SLC25A22: variants seen among roughly 807,000 people sequenced by gnomAD.
SLC25A22 encodes the protein solute carrier family 25 member 22, also known as mitochondrial glutamate carrier 1.
A neutral mutation model predicts 33.7 loss-of-function variants in SLC25A22; 23 were observed. That is an observed-to-expected ratio of 0.68 (90% CI 0.49 to 0.97). The LOEUF is 0.97. Among genes scored for constraint, SLC25A22 ranks in the 50% least tolerant of loss-of-function variants. The probability of loss-of-function intolerance (pLI) is 0.00; values close to 1 mark genes in which losing one functional copy is unlikely to be tolerated. For synonymous variants in SLC25A22, 245 were observed against 203.8 expected, an observed-to-expected ratio of 1.20 and a Z score of -1.72; for missense variants, 390 against 451.1, an observed-to-expected ratio of 0.86 and a Z score of 1.23.
Position 791,735 on chromosome 11 carries a change from G to T in SLC25A22, c.*180C>A. The T allele has an allele frequency of 1.3e-6, 1 of 753,578 alleles. No individual in the cohort carries two copies. Among genetic ancestry groups the T allele is most frequent in the African/African-American group, 1.8e-5 (1 of 56,784 alleles). 46.7% of individuals were successfully genotyped at this position (753,578 alleles called of 1,614,324 possible). ...TGAGACATTGATCCCAACGGTGCAG[G>T]CAGCACCCCGGGGGGCTTGCGTGTG... is the stretch of plus-strand genomic sequence containing the variant. On this transcript the variant is annotated 3_prime_UTR_variant, in exon 10 of 10. Transcript: ENST00000628067.
chr11:793,113 G>T, intron 5 of SLC25A22, 125 bp from the exon 6 acceptor site: 1 of 906,398 alleles, frequency 1.1e-6, no homozygotes, highest in Non-Finnish European at 1.7e-6. Context: ...GGCCTGTGGG[G>T]GTACAGCCCC....
In SLC25A22 at chr11:792,724, G is replaced by C. The variant is rs974302832; in HGVS notation, c.416C>G (p.Ala139Gly). 1 of 1,546,522 alleles carries C rather than the reference G, an allele frequency of 6.5e-7. No homozygotes were observed. Among genetic ancestry groups the C allele is most frequent in the African/African-American group, 1.4e-5 (1 of 73,432 alleles). The part of the protein sequence containing the change: ...IQLQDAGRIA[A>G]QRKILAAQGQ... The stretch of plus-strand genomic sequence containing the variant: ...CTGGGCAGCCAGGATCTTCCTCTGG[G>C]CGGCTGGGGACAAAGAGGCTGCTGT... The change falls in exon 7 of 10, where the codon GCC becomes GGC. Residue 139 changes from alanine to glycine, a missense_variant. By Grantham distance (60) the Ala-to-Gly change is moderately conservative. Coordinates refer to ENST00000628067, the MANE Select transcript of SLC25A22 (RefSeq NM_001191061.2).
Position 792,205 on chromosome 11 carries a change from C to T in SLC25A22, c.755G>A (p.Arg252Gln), listed in dbSNP as rs1864560817. The T allele has an allele frequency of 3.7e-6, 6 of 1,612,836 alleles. No individual in the cohort carries two copies. Among genetic ancestry groups the T allele is most frequent in the South Asian group, 3.3e-5 (3 of 91,094 alleles). ...AVNPCDVVKT[R>Q]LQSLQRGVNE... ...GACGCCTCGCTGAAGTGACTGGAGCCGCGTCTTCACCACTGCAAGGGGCGC... is the reference window on the plus strand; with the variant it reads ...GACGCCTCGCTGAAGTGACTGGAGCTGCGTCTTCACCACTGCAAGGGGCGC... Residue 252 changes from arginine to glutamine, a missense_variant, in exon 9 of 10, where the codon CGG becomes CAG. Physicochemically the swap from Arg to Gln is conservative, Grantham distance 43. Coordinates refer to ENST00000628067, the MANE Select transcript of SLC25A22 (RefSeq NM_001191061.2).
At position 791,877 on chromosome 11, in the gene SLC25A22, G is replaced by T. The variant is rs758687644; in HGVS notation, c.*38C>A. The stretch of plus-strand genomic sequence containing the variant: ...GCTGCCTGGCTCCAGCCCCACACCG[G>T]CCCTGCCCAGCTGGCTGGGGTGGAG... On this transcript the variant is annotated 3_prime_UTR_variant, in exon 10 of 10. Transcript: ENST00000628067. The T allele has an allele frequency of 1.1e-5, 17 of 1,560,100 alleles. No individual in the cohort carries two copies. The African/African-American group carries it at 1.9e-4, about 17-fold the overall frequency.
At chr11:793,919 G>C in intron 4 of SLC25A22, 1 of 514,086 alleles carries the variant, frequency 1.9e-6, no homozygotes, top group Non-Finnish European at 3.5e-6. Context: ...GCCTCCCTAG[G>C]ATACCTCTCC....
rs1290003750 is a variant in SLC25A22 at position 795,032 on chromosome 11, G to A, written c.-26C>T. The A allele has an allele frequency of 1.4e-5, 22 of 1,552,544 alleles. No individual in the cohort carries two copies. The highest frequency in any genetic ancestry group is 1.9e-5 in the Non-Finnish European group (22 of 1,148,192). On this transcript the variant is annotated 5_prime_UTR_variant, in exon 2 of 10. Transcript: ENST00000628067. ...TTAACTCGATTGCACCCAGGTAGGA[G>A]CCGCAGAGGTGGACGCCAGGCCAGG... is the stretch of plus-strand genomic sequence containing the variant.
chr11:792,439 C>A lies in SLC25A22; in HGVS notation c.607G>T (p.Val203Leu), dbSNP rs757697497. Residue 203 changes from valine (V) to leucine (L), a missense_variant, in exon 8 of 10, where the codon GTG becomes TTG. Transcript: ENST00000628067. The part of the protein sequence containing the change: ...TLLRDVPFSV[V>L]YFPLFANLNQ... ...AGGTTGGCAAAGAGCGGGAAGTACA[C>A]CACAGAGAAGGGGACATCCCTGTGG... 1 of 1,613,462 alleles carries A rather than the reference C, an allele frequency of 6.2e-7. No homozygotes were observed. Among genetic ancestry groups the A allele is most frequent in the Admixed American group, 1.7e-5 (1 of 60,034 alleles).
intron 1 of SLC25A22, among the ~76,000 whole-genome samples, chr11:797,266 AATG>A (rs1864872864): frequency 6.6e-6 from 1 of 151,900 alleles, no homozygotes; most frequent in Non-Finnish European, 1.5e-5. Flanking sequence ...CTGGGTGGAG[AATG>A]ATGACAGTGA....
Position 791,478 on chromosome 11 carries a change from C to T in SLC25A22, c.*437G>A, listed in dbSNP as rs564581592. 6.5e-5 allele frequency: 14 copies of T among 216,780 alleles called. No individual in the cohort carries two copies. The highest frequency in any genetic ancestry group is 2.4e-4 in the East Asian group (2 of 8,242). The allele number at this position is 216,780 out of a possible 1,614,324, so 13.4% of individuals were successfully genotyped here. On this transcript the variant is annotated 3_prime_UTR_variant, in exon 10 of 10. Transcript: ENST00000628067. Reference sequence around the variant, plus strand: ...GGGAAGGACGGAAGGGCTGGAGAGCCGCTTGGGTCCAGCAGATTCAATAAA... The same window carrying T: ...GGGAAGGACGGAAGGGCTGGAGAGCTGCTTGGGTCCAGCAGATTCAATAAA...
chr11:794,367 G>T (rs568389268), intron 4 of SLC25A22, 91 bp downstream of exon 4: 14 of 1,460,416 alleles, frequency 9.6e-6, no homozygotes, highest in Non-Finnish European at 1.1e-5. Flanking sequence ...CAGGCTGGCC[G>T]CCCTGCCCTG....
rs748865577 is a variant in SLC25A22 at position 791,909 on chromosome 11, C to G, written c.*6G>C. On this transcript the variant is annotated 3_prime_UTR_variant, in exon 10 of 10. Transcript: ENST00000628067. ...CCAGCTGGCTGGGGTGGAGCGGGTGCTGGGCTCAGGCCTGGGGGTCCTGCA... is the reference window on the plus strand; with the variant it reads ...CCAGCTGGCTGGGGTGGAGCGGGTGGTGGGCTCAGGCCTGGGGGTCCTGCA... 3.1e-6 allele frequency: 5 copies of G among 1,591,944 alleles called. No individual in the cohort carries two copies. The highest frequency in any genetic ancestry group is 4.3e-6 in the Non-Finnish European group (5 of 1,175,970).
intron 6 of SLC25A22, 55 bp from the exon 7 acceptor site, chr11:792,782 G>A (rs1590118960): frequency 4.5e-6 from 7 of 1,548,668 alleles, no homozygotes; most frequent in Admixed American, 1.9e-5. Context: ...CAGGGGACAC[G>A]CTCTGGCCCT....
rs1276261060 is a variant in SLC25A22 at position 791,435 on chromosome 11, A to AG, written c.*479dup. 5.2e-6 allele frequency: 1 copy of AG among 191,504 alleles called. No homozygotes were observed. Among genetic ancestry groups the AG allele is most frequent in the Non-Finnish European group, 1.1e-5 (1 of 91,354 alleles). 11.9% of individuals were successfully genotyped at this position (191,504 alleles called of 1,614,324 possible). A position where few individuals can be genotyped will look rare whatever the true frequency, so the allele number is the denominator to read the frequency against. On this transcript the variant is annotated 3_prime_UTR_variant, in exon 10 of 10. Transcript: ENST00000628067. The stretch of plus-strand genomic sequence containing the variant: ...AGGGAGGCAGAGTCAAGTCCTGCCA[A>AG]GGCGACAAGAGCGGCTGGGGAAGGA...
intron 4 of SLC25A22, chr11:793,979 G>C (rs1390335547): frequency 1.1e-5 from 5 of 468,912 alleles, no homozygotes; most frequent in Non-Finnish European, 1.6e-5. Context: ...TGGGGCCAGA[G>C]GTCACAGGAG....
rs746980789 is a variant in SLC25A22, at chr11:792,855, T to TCCCCCCCCCCCCCCCC, written c.412+14_412+15insGGGGGGGGGGGGGGGG. 2 of 523,168 alleles carry TCCCCCCCCCCCCCCCC rather than the reference T, an allele frequency of 3.8e-6. No individual in the cohort carries two copies. Among genetic ancestry groups the TCCCCCCCCCCCCCCCC allele is most frequent in the Non-Finnish European group, 5.7e-6 (2 of 349,416 alleles). The allele number at this position is 523,168 out of a possible 1,614,324, so 32.4% of individuals were successfully genotyped here. ...CCGCACCTCTGCCCTCTCCTCCCCCTCCCCCCGCCCTCACCAATGCGCCCT... is the reference window on the plus strand; with the variant it reads ...CCGCACCTCTGCCCTCTCCTCCCCCTCCCCCCCCCCCCCCCCCCCCCCGCCCTCACCAATGCGCCCT... On this transcript the variant is annotated intron_variant, in intron 6 of 9. Transcript: ENST00000628067.
intron 3 of SLC25A22, 72 bp from the exon 4 acceptor site, chr11:794,585 A>G: frequency 6.3e-7 from 1 of 1,576,510 alleles, no homozygotes; most frequent in South Asian, 1.1e-5. Context: ...TGGACTGTCT[A>G]GGGCTGATAG....
At chr11:794,559 C>G in intron 3 of SLC25A22, 46 bp from the exon 4 acceptor site, 1 of 1,602,782 alleles carries the variant, frequency 6.2e-7, no homozygotes, top group Non-Finnish European at 8.5e-7. Flanking sequence ...TGGGGCCAGC[C>G]GGAGGCCAGG....
Position 794,884 on chromosome 11 carries a change from A to C in SLC25A22, c.38T>G (p.Ile13Ser). 1.9e-6 allele frequency: 3 copies of C among 1,566,746 alleles called. No homozygotes were observed. Among genetic ancestry groups the C allele is most frequent in the Non-Finnish European group, 2.6e-6 (3 of 1,155,658 alleles). The stretch of plus-strand genomic sequence containing the variant: ...GATCAGCCCGGCGATGCCGCCATTG[A>C]TGAGCTTGGCTGGCAGGCTGTGTGG... ...DKQISLPAKL[I>S]NGGIAGLIGV... Residue 13 changes from isoleucine (I) to serine (S), a missense_variant, in exon 3 of 10, where the codon ATC becomes AGC. Coordinates refer to ENST00000628067, the MANE Select transcript of SLC25A22 (RefSeq NM_001191061.2).
rs999290342 is a variant in SLC25A22 at position 791,438 on chromosome 11, C to T, written c.*477G>A. The T allele has an allele frequency of 4.6e-5, 9 of 194,084 alleles. No homozygotes were observed. The highest frequency in any genetic ancestry group is 1.1e-4 in the Admixed American group (2 of 18,698). 12.0% of individuals were successfully genotyped at this position (194,084 alleles called of 1,614,324 possible). A position where few individuals can be genotyped will look rare whatever the true frequency, so the allele number is the denominator to read the frequency against. ...GAGGCAGAGTCAAGTCCTGCCAAGG[C>T]GACAAGAGCGGCTGGGGAAGGACGG... On this transcript the variant is annotated 3_prime_UTR_variant, in exon 10 of 10. Transcript: ENST00000628067.
Sources: gnomAD v4.1 joint callset for allele counts (sites outside exome capture counted in the v4.1 genomes callset) on GRCh38, gnomAD v4.1.1 for gene constraint, MANE v1.5 for transcripts, NCBI Gene and HGNC (gene_info 2026-07-23, HGNC 2026-07-21) for gene names.